Variants in SPTAN1 observed in about 807,000 individuals in gnomAD.
SPTAN1 encodes the protein spectrin alpha chain, non-erythrocytic 1.
A neutral mutation model predicts 331.3 loss-of-function variants in SPTAN1; 61 were observed. That is an observed-to-expected ratio of 0.18 (90% CI 0.15 to 0.23). The LOEUF is 0.23. SPTAN1 is among the 10% of genes least tolerant of loss of function. The probability of loss-of-function intolerance (pLI) is 1.00; values close to 1 mark genes in which losing one functional copy is unlikely to be tolerated. For missense variants in SPTAN1, 2,043 were observed against 3,147.9 expected (o/e 0.65, Z 8.40); for synonymous variants, 1,153 against 1,173.9 (o/e 0.98, Z 0.36).
rs1419251907 is a variant in SPTAN1 at position 128,583,262 on chromosome 9, A to G, written c.1992A>G (p.Leu664=). The change falls in exon 15 of 57, where the codon CTA becomes CTG. Residue 664 remains leucine, a synonymous_variant. Transcript: ENST00000372739. ...TGATCAGTTTGTGGAAGAAACTGCTAGAGGCCACTGAACTGAAAGGTAAGA... is the reference window on the plus strand; with the variant it reads ...TGATCAGTTTGTGGAAGAAACTGCTGGAGGCCACTGAACTGAAAGGTAAGA... ...NEVISLWKKL[L]EATELKGIKL... 1.9e-6 allele frequency: 3 copies of G among 1,613,820 alleles called. No homozygotes were observed. The highest frequency in any genetic ancestry group is 2.2e-5 in the South Asian group (2 of 91,024).
In SPTAN1 at chr9:128,565,287, G is replaced by A. The variant is rs568581000; in HGVS notation, c.-3-1451G>A. ...TTGCACTCCAGCCTGGTGACTGAGC[G>A]AGACTCCGTCTCAAACAAAAAACAA... On this transcript the variant is annotated intron_variant, in intron 1 of 56. Coordinates refer to ENST00000372739, the MANE Select transcript of SPTAN1 (RefSeq NM_001130438.3). 3.0e-4 allele frequency among the ~76,000 whole-genome samples: 45 copies of A among 152,226 alleles called. 1 individual carries two copies. Among genetic ancestry groups the A allele is most frequent in the African/African-American group, 9.4e-4 (39 of 41,544 alleles).
chr9:128,603,641 C>T, intron 28 of SPTAN1, 51 bp downstream of exon 28: 1 of 1,599,622 alleles, frequency 6.3e-7, no homozygotes, highest in Non-Finnish European at 8.6e-7. Context: ...TCTCCACTAT[C>T]TTCCTTCCCT....
At chr9:128,562,992 G>GTATA (rs1168781290) in intron 1 of SPTAN1, among the ~76,000 whole-genome samples, 146 of 3,074 alleles carry the variant, frequency 0.047, no homozygotes, top group African/African-American at 0.055. Context: ...ACATGTATGT[G>GTATA]TATATATATA....
intron 40 of SPTAN1, among the ~76,000 whole-genome samples, chr9:128,613,994 G>C (rs1026492938): frequency 1.5e-4 from 22 of 148,396 alleles, no homozygotes; most frequent in Non-Finnish European, 8.9e-5. Context: ...AACAGAGCAA[G>C]ACTCCATCTC....
At chr9:128,582,000 A>G in intron 12 of SPTAN1, 108 bp downstream of exon 12, 1 of 848,034 alleles carries the variant, frequency 1.2e-6, no homozygotes, top group South Asian at 1.3e-5. Flanking sequence ...TATGCAGAGT[A>G]CTCCTGTGGG....
At chr9:128,558,366 C>CT (rs929999827) in intron 1 of SPTAN1, among the ~76,000 whole-genome samples, 18 of 151,084 alleles carry the variant, frequency 1.2e-4, no homozygotes, top group African/African-American at 2.2e-4. Flanking sequence ...AAATATATAC[C>CT]TTTTTTTTTA....
intron 43 of SPTAN1, among the ~76,000 whole-genome samples, chr9:128,618,415 C>T (rs1857440571): frequency 6.6e-6 from 1 of 151,964 alleles, no homozygotes; most frequent in Middle Eastern, 3.2e-3. Context: ...AGTCTGGAAT[C>T]ACAGAGTGGG....
At chr9:128,611,653 C>T (rs1028898261) in intron 37 of SPTAN1, 61 bp from the exon 38 acceptor site, 19 of 1,602,674 alleles carry the variant, frequency 1.2e-5, no homozygotes, top group South Asian at 8.8e-5. Context: ...GAACCCCTTC[C>T]CCCTGAAAAG....
chr9:128,561,662 C>CAAAAAAAAAAAAAA (rs762156669), intron 1 of SPTAN1, among the ~76,000 whole-genome samples: 2,424 of 15,940 alleles, frequency 0.15, 956 homozygotes, highest in Non-Finnish European at 0.24. Flanking sequence ...GACTCCGTCT[C>CAAAAAAAAAAAAAA]AAAAAAAAAA....
chr9:128,606,857 A>G (rs950386691), intron 31 of SPTAN1, among the ~76,000 whole-genome samples: 3 of 152,156 alleles, frequency 2.0e-5, no homozygotes, highest in Admixed American at 6.5e-5. Context: ...GTGCAATCCA[A>G]TGACATTTAA....
At chr9:128,553,225 G>C (rs1848322382) in intron 1 of SPTAN1, 1 of 152,288 alleles carries the variant, frequency 6.6e-6, no homozygotes, top group African/African-American at 2.4e-5. Flanking sequence ...ACGGCTCTCT[G>C]ACCTTAATTT....
At chr9:128,587,347 A>T (rs1196166880) in intron 19 of SPTAN1, among the ~76,000 whole-genome samples, 3 of 152,136 alleles carry the variant, frequency 2.0e-5, no homozygotes, top group African/African-American at 7.2e-5. Flanking sequence ...AGCCTCCCAA[A>T]GTGCTGGGAT....
chr9:128,594,899 G>C (rs1854057162), intron 24 of SPTAN1, among the ~76,000 whole-genome samples: 1 of 147,612 alleles, frequency 6.8e-6, no homozygotes, highest in African/African-American at 2.5e-5. Flanking sequence ...TGCGATCTCG[G>C]CTCACTGCAA....
At chr9:128,591,210 C>G (rs1244904980) in intron 21 of SPTAN1, among the ~76,000 whole-genome samples, 2 of 151,916 alleles carry the variant, frequency 1.3e-5, no homozygotes, top group Non-Finnish European at 2.9e-5. Context: ...TACAGGTGCC[C>G]ACCACCATGT....
At position 128,555,485 on chromosome 9, in the gene SPTAN1, A is replaced by G. The variant is rs1848529380; in HGVS notation, c.-4+2789A>G. On this transcript the variant is annotated intron_variant, in intron 1 of 56. Coordinates refer to ENST00000372739, the MANE Select transcript of SPTAN1 (RefSeq NM_001130438.3). ...GGCATATTCGTGTCAAAGAGGTTGA[A>G]TGATCCAAAGAAAGGGGGAAAAAAA... 5 of 1,117,988 alleles carry G rather than the reference A, an allele frequency of 4.5e-6. No homozygotes were observed. In the African/African-American group the frequency reaches 4.8e-5, roughly 11 times the overall value. 69.3% of individuals were successfully genotyped at this position (1,117,988 alleles called of 1,614,324 possible).
chr9:128,625,247 T>C lies in SPTAN1; in HGVS notation c.6069+68T>C. Reference sequence around the variant, plus strand: ...CATCTGTGAGATGACTGGTGGCGTCTTTCACTGAGGCATTTATCTTCTGTT... The same window carrying C: ...CATCTGTGAGATGACTGGTGGCGTCCTTCACTGAGGCATTTATCTTCTGTT... On this transcript the variant is annotated intron_variant, in intron 47 of 56. Coordinates refer to ENST00000372739, the MANE Select transcript of SPTAN1 (RefSeq NM_001130438.3). The surrounding 1 kb of genome is among the most constrained non-coding windows in gnomAD (Gnocchi z 4.1). The C allele has an allele frequency of 6.7e-7, 1 of 1,487,808 alleles. No homozygotes were observed. The highest frequency in any genetic ancestry group is 9.4e-7 in the Non-Finnish European group (1 of 1,068,090). The allele number at this position is 1,487,808 out of a possible 1,614,324, so 92.2% of individuals were successfully genotyped here.
chr9:128,599,583 G>C (rs560351895), intron 26 of SPTAN1: 92 of 175,294 alleles, frequency 5.2e-4, no homozygotes, highest in African/African-American at 2.3e-3. Flanking sequence ...CACAGCTGCA[G>C]TTATAGCCTA....
Position 128,582,627 on chromosome 9 carries a change from G to A in SPTAN1, c.1651-67G>A, listed in dbSNP as rs899282134. ...GTCTCTTCTAAGATGTTCCAGTTAA[G>A]TCTCTTCAACTGGATATCCCTTTGG... On this transcript the variant is annotated intron_variant, in intron 13 of 56. Transcript: ENST00000372739. 3.1e-6 allele frequency: 5 copies of A among 1,609,500 alleles called. No individual in the cohort carries two copies. The African/African-American group carries it at 5.3e-5, about 17-fold the overall frequency.
rs1234948812 is a variant in SPTAN1, at chr9:128,629,660, C to CA, written c.6708-660dup. 5.8e-6 allele frequency: 1 copy of CA among 173,092 alleles called. No homozygotes were observed. The highest frequency in any genetic ancestry group is 5.5e-5 in the Admixed American group (1 of 18,324). The allele number at this position is 173,092 out of a possible 1,614,324, so 10.7% of individuals were successfully genotyped here. A position where few individuals can be genotyped will look rare whatever the true frequency, so the allele number is the denominator to read the frequency against. ...GTGTTCTCTTGGGAAGGAGGCTCCC[C>CA]AGAGCCCATCTGCTCTCAGAACTTG... On this transcript the variant is annotated intron_variant, in intron 51 of 56. Coordinates refer to ENST00000372739, the MANE Select transcript of SPTAN1 (RefSeq NM_001130438.3). The surrounding 1 kb of genome is among the most constrained non-coding windows in gnomAD (Gnocchi z 4.9).
Sources: gnomAD v4.1 joint callset for allele counts (sites outside exome capture counted in the v4.1 genomes callset) on GRCh38, gnomAD v4.1.1 for gene constraint, Gnocchi (gnomAD v3.1) non-coding constraint, MANE v1.5 for transcripts, NCBI Gene and HGNC (gene_info 2026-07-23, HGNC 2026-07-21) for gene names.